VSTM5: variants seen among roughly 807,000 people sequenced by gnomAD.
The protein encoded by VSTM5 is V-set and transmembrane domain containing 5.
In VSTM5, 21 loss-of-function variants were observed where a neutral mutation model predicts 20.3. The ratio of observed to expected loss-of-function variants is 1.03; its 90% CI spans 0.73 to 1.49. The LOEUF is 1.49. Among genes scored for constraint, VSTM5 ranks in the 40% most tolerant of loss-of-function variants. The probability of loss-of-function intolerance (pLI) is 0.00; values close to 1 mark genes in which losing one functional copy is unlikely to be tolerated. For synonymous variants in VSTM5, 100 were observed against 102.5 expected (o/e 0.98, Z 0.14); for missense variants, 219 against 250.0 (o/e 0.88, Z 0.84).
chr11:93,820,821 C>T lies in VSTM5; in HGVS notation c.481G>A (p.Ala161Thr), dbSNP rs371953771. Reference protein sequence around the residue: ...VILAFLAAVAAVLISLMWVCN... With the variant: ...VILAFLAAVATVLISLMWVCN... The stretch of plus-strand genomic sequence containing the variant: ...ACCCACATGAGGCTGATTAATACTG[C>T]GGCCACAGCAGCGAGAAAAGCAAGG... Residue 161 changes from alanine (A) to threonine (T), a missense_variant, in exon 3 of 4, where the codon GCA becomes ACA. Physicochemically the swap from Ala to Thr is moderately conservative, Grantham distance 58. Coordinates refer to ENST00000409977, the MANE Select transcript of VSTM5 (RefSeq NM_001144871.2). 6.7e-4 allele frequency: 1,035 copies of T among 1,550,900 alleles called. 8 individuals carry two copies. The African/African-American group carries it at 0.012, about 19-fold the overall frequency.
At chr11:93,847,699 C>G (rs560778441) in intron 1 of VSTM5, among the ~76,000 whole-genome samples, 2 of 152,218 alleles carry the variant, frequency 1.3e-5, no homozygotes, top group African/African-American at 4.8e-5. Flanking sequence ...AGGACATGAA[C>G]AAATGTTCTA....
rs75570762 is a variant in VSTM5 at position 93,832,622 on chromosome 11, T to A, written c.92-11299A>T. ...GAGTCTGAGCCTTAGATTCTTCACA[T>A]TTGAAAATGTTTTTCACATATATAC... On this transcript the variant is annotated intron_variant, in intron 1 of 3. Transcript: ENST00000409977. 2.3e-3 allele frequency among the ~76,000 whole-genome samples: 345 copies of A among 152,330 alleles called. 12 individuals carry two copies. The East Asian group carries it at 0.058, about 25-fold the overall frequency.
At chr11:93,850,378 T>C (rs1944449263) in intron 1 of VSTM5, 34 bp downstream of exon 1, 2 of 1,504,848 alleles carry the variant, frequency 1.3e-6, no homozygotes, top group East Asian at 2.5e-5. Context: ...CCATTCCCGC[T>C]CCCCCAGCAC....
At chr11:93,825,060 A>C (rs1486738157) in intron 1 of VSTM5, among the ~76,000 whole-genome samples, 1 of 152,212 alleles carries the variant, frequency 6.6e-6, no homozygotes, top group African/African-American at 2.4e-5. Flanking sequence ...TCAATTTACT[A>C]TAGCTTTGTA....
intron 1 of VSTM5, among the ~76,000 whole-genome samples, chr11:93,834,391 C>T (rs1328650541): frequency 3.3e-5 from 5 of 152,118 alleles, no homozygotes; most frequent in African/African-American, 4.8e-5. Context: ...GCTGTTTTTC[C>T]CATCTCTCTG....
At chr11:93,841,497 A>G (rs1944369772) in intron 1 of VSTM5, among the ~76,000 whole-genome samples, 1 of 152,118 alleles carries the variant, frequency 6.6e-6, no homozygotes, top group Non-Finnish European at 1.5e-5. Flanking sequence ...CAAAACTCTA[A>G]CACAGTGGTT....
chr11:93,835,188 G>A (rs142147277), intron 1 of VSTM5, among the ~76,000 whole-genome samples: 42 of 152,190 alleles, frequency 2.8e-4, no homozygotes, highest in African/African-American at 9.9e-4. Flanking sequence ...ACTTTTGAAG[G>A]CTAAGGCAGG....
At chr11:93,824,160 G>T (rs76893239) in intron 1 of VSTM5, among the ~76,000 whole-genome samples, 6,044 of 152,032 alleles carry the variant, frequency 0.04, 294 homozygotes, top group African/African-American at 0.11. Flanking sequence ...CACCCACCTC[G>T]GTCTCCCAAA....
At chr11:93,850,378 TC>T in intron 1 of VSTM5, 33 bp downstream of exon 1, 1 of 1,504,946 alleles carries the variant, frequency 6.6e-7, no homozygotes, top group Non-Finnish European at 9.0e-7. Context: ...CCATTCCCGC[TC>T]CCCCAGCACC....
intron 1 of VSTM5, among the ~76,000 whole-genome samples, chr11:93,847,678 T>G (rs1051930360): frequency 6.6e-6 from 1 of 152,226 alleles, no homozygotes; most frequent in Non-Finnish European, 1.5e-5. Flanking sequence ...TGATGGCTAA[T>G]GTACTGGGAA....
At chr11:93,848,077 T>C (rs1944428314) in intron 1 of VSTM5, among the ~76,000 whole-genome samples, 1 of 152,106 alleles carries the variant, frequency 6.6e-6, no homozygotes. Flanking sequence ...CATTGGAGGT[T>C]AGGGCTTGAA....
rs781689468 is a variant in VSTM5, at chr11:93,819,759, C to T, written c.*810G>A. On this transcript the variant is annotated 3_prime_UTR_variant, in exon 4 of 4. Transcript: ENST00000409977. ...GCTTTCACACAGGTGGCATCCAGCT[C>T]GTCAGGAGGCCAGGTGCTGCCCATA... The T allele has an allele frequency of 6.6e-6, 1 of 152,202 alleles. No individual in the cohort carries two copies. Among genetic ancestry groups the T allele is most frequent in the Non-Finnish European group, 1.5e-5 (1 of 68,048 alleles). The allele number at this position is 152,202 out of a possible 1,614,324, so 9.4% of individuals were successfully genotyped here.
intron 1 of VSTM5, among the ~76,000 whole-genome samples, chr11:93,838,198 G>T (rs144351208): frequency 2.7e-5 from 4 of 150,542 alleles, no homozygotes; most frequent in Non-Finnish European, 4.4e-5. Flanking sequence ...AAAGTCAGGC[G>T]TGGTGGCTCA....
At position 93,819,891 on chromosome 11, in the gene VSTM5, A is replaced by G. The variant is rs191519237; in HGVS notation, c.*678T>C. ...GAGGAAGAGAAAGATAATTTTCTCT[A>G]TTCCTTGTATCCAAAGCTGGCCTCT... On this transcript the variant is annotated 3_prime_UTR_variant, in exon 4 of 4. Transcript: ENST00000409977. 6.6e-6 allele frequency: 1 copy of G among 152,376 alleles called. No individual in the cohort carries two copies. Among genetic ancestry groups the G allele is most frequent in the East Asian group, 1.9e-4 (1 of 5,186 alleles). The allele number at this position is 152,376 out of a possible 1,614,324, so 9.4% of individuals were successfully genotyped here. A position where few individuals can be genotyped will look rare whatever the true frequency, so the allele number is the denominator to read the frequency against.
chr11:93,833,823 G>A (rs558069765), intron 1 of VSTM5, among the ~76,000 whole-genome samples: 1 of 152,004 alleles, frequency 6.6e-6, no homozygotes, highest in East Asian at 1.9e-4. Flanking sequence ...GCATACCCGT[G>A]GACAGCCCAT....
At chr11:93,838,407 G>A (rs913604714) in intron 1 of VSTM5, among the ~76,000 whole-genome samples, 1 of 152,126 alleles carries the variant, frequency 6.6e-6, no homozygotes, top group African/African-American at 2.4e-5. Flanking sequence ...GGAAGGCAGA[G>A]GTTGCAGTGA....
At position 93,820,644 on chromosome 11, in the gene VSTM5, A is replaced by G. The variant is rs1350592829; in HGVS notation, c.560-32T>C. Reference sequence around the variant, plus strand: ...AGCAAAGACAAGTCAATGAGTTGGAAATCAAGCCACATAGTGCTTTCTTCG... The same window carrying G: ...AGCAAAGACAAGTCAATGAGTTGGAGATCAAGCCACATAGTGCTTTCTTCG... On this transcript the variant is annotated intron_variant, in intron 3 of 3. Coordinates refer to ENST00000409977, the MANE Select transcript of VSTM5 (RefSeq NM_001144871.2). The G allele has an allele frequency of 1.9e-6, 3 of 1,551,780 alleles. No individual in the cohort carries two copies. The South Asian group carries it at 3.6e-5, about 18-fold the overall frequency.
rs138459927 is a variant in VSTM5 at position 93,845,025 on chromosome 11, G to A, written c.91+5387C>T. 2.1e-3 allele frequency among the ~76,000 whole-genome samples: 141 copies of A among 66,842 alleles called. 38 individuals are homozygous for A. The highest frequency in any genetic ancestry group is 3.7e-3 in the Non-Finnish European group (113 of 30,934). 43.9% of individuals were successfully genotyped at this position (66,842 alleles called of 152,430 possible). On this transcript the variant is annotated intron_variant, in intron 1 of 3. Transcript: ENST00000409977. ...GTGAGACTCTAAGACACAACGTTGG[G>A]TGTTCTGAGAACAGCAGGAGGGAGA...
chr11:93,845,792 G>A (rs1425196039), intron 1 of VSTM5, among the ~76,000 whole-genome samples: 2 of 152,156 alleles, frequency 1.3e-5, no homozygotes, highest in African/African-American at 4.8e-5. Context: ...CAGAGGTATT[G>A]TGCACCTATT....
Sources: allele counts gnomAD v4.1 joint callset (sites outside exome capture counted in the v4.1 genomes callset), GRCh38; gene constraint gnomAD v4.1.1; transcripts MANE v1.5; gene names NCBI Gene and HGNC (gene_info 2026-07-23, HGNC 2026-07-21).